PLEKHH2: variants seen among roughly 807,000 people sequenced by gnomAD.
PLEKHH2 encodes pleckstrin homology domain-containing family H member 2.
A neutral mutation model predicts 187.9 loss-of-function variants in PLEKHH2; 129 were observed. The ratio of observed to expected loss-of-function variants is 0.69; its 90% confidence interval spans 0.59 to 0.79. The LOEUF is 0.79. PLEKHH2 is among the 30% of genes least tolerant of loss of function. The probability of loss-of-function intolerance (pLI) is 0.00; values close to 1 mark genes in which losing one functional copy is unlikely to be tolerated. For missense variants in PLEKHH2, 2,076 were observed against 1,751.2 expected, an observed-to-expected ratio of 1.19 and a Z score of -3.31; for synonymous variants, 686 against 605.6, an observed-to-expected ratio of 1.13 and a Z score of -1.95.
intron 15 of PLEKHH2, among the ~76,000 whole-genome samples, chr2:43,720,381 C>T (rs1046843121): frequency 6.6e-6 from 1 of 151,766 alleles, no homozygotes; most frequent in African/African-American, 2.4e-5. Context: ...GAGTACAGAT[C>T]CCATCACCCA....
In PLEKHH2 at chr2:43,700,429, C is replaced by G. The variant is rs17031299; in HGVS notation, c.1471C>G (p.Leu491Val). 8.1e-6 allele frequency: 13 copies of G among 1,613,832 alleles called. No individual in the cohort carries two copies. The African/African-American group carries it at 1.5e-4, about 18-fold the overall frequency. The change falls in exon 8 of 30, where the codon CTA (leucine) becomes GTA (valine). Residue 491 changes from leucine to valine, a missense_variant. Leu to Val is a conservative substitution (Grantham distance 32). Transcript: ENST00000282406. ...PLRPQETDLDLVDGDSTEVLE... is the reference protein window; with the variant it reads ...PLRPQETDLDVVDGDSTEVLE... ...GAGACCTCAGGAAACTGATCTTGAT[C>G]TAGTTGATGGAGACAGTACAGAAGT...
At chr2:43,681,054 T>G in intron 3 of PLEKHH2, 1 of 1,289,752 alleles carries the variant, frequency 7.8e-7, no homozygotes, top group Non-Finnish European at 1.1e-6. Flanking sequence ...TCCTGTACCA[T>G]TATGATTCCA....
intron 7 of PLEKHH2, among the ~76,000 whole-genome samples, chr2:43,698,982 T>G (rs927586272): frequency 1.3e-5 from 2 of 152,244 alleles, no homozygotes; most frequent in African/African-American, 2.4e-5. Flanking sequence ...TATCTCAATG[T>G]ATCGAAGTTT....
At chr2:43,764,424 C>T in intron 29 of PLEKHH2, 59 bp downstream of exon 29, 1 of 1,520,628 alleles carries the variant, frequency 6.6e-7, no homozygotes, top group Non-Finnish European at 9.0e-7. Flanking sequence ...TAGTCTTAGC[C>T]AGAAGGCCAA....
chr2:43,702,511 G>A (rs1283001774), intron 8 of PLEKHH2, among the ~76,000 whole-genome samples: 2 of 118,858 alleles, frequency 1.7e-5, no homozygotes, highest in African/African-American at 6.8e-5. Context: ...GTTTTATTTG[G>A]CAACCCATTC....
chr2:43,643,108 C>G (rs76872364), intron 1 of PLEKHH2, among the ~76,000 whole-genome samples: 207 of 152,220 alleles, frequency 1.4e-3, no homozygotes, highest in African/African-American at 4.6e-3. Flanking sequence ...GATCGACAAA[C>G]TGCATTATCT....
At chr2:43,758,340 C>T (rs1672295848) in intron 26 of PLEKHH2, among the ~76,000 whole-genome samples, 1 of 152,150 alleles carries the variant, frequency 6.6e-6, no homozygotes, top group African/African-American at 2.4e-5. Context: ...GCAACCTCCA[C>T]CTCCCGGGTT....
chr2:43,740,742 A>C (rs764843823), intron 20 of PLEKHH2: 16 of 912,144 alleles, frequency 1.8e-5, no homozygotes, highest in Non-Finnish European at 2.3e-5. Context: ...AACCATACAC[A>C]CAACTAGATG....
At chr2:43,653,473 A>G (rs1419565932) in intron 2 of PLEKHH2, among the ~76,000 whole-genome samples, 1 of 152,244 alleles carries the variant, frequency 6.6e-6, no homozygotes, top group African/African-American at 2.4e-5. Flanking sequence ...TAGAATAAAG[A>G]TATTTTGAAG....
rs201634365 is a variant in PLEKHH2 at position 43,699,637 on chromosome 2, C to T, written c.689-10C>T. The stretch of plus-strand genomic sequence containing the variant: ...AAGGCAGCATGCTGATATGATGTAT[C>T]CTTTTCTAGAAATGGAAATTCCAGA... On this transcript the variant is annotated splice_polypyrimidine_tract_variant and intron_variant, in intron 7 of 29. Coordinates refer to ENST00000282406, the MANE Select transcript of PLEKHH2 (RefSeq NM_172069.4). The T allele has an allele frequency of 1.9e-6, 3 of 1,608,334 alleles. No homozygotes were observed. The highest frequency in any genetic ancestry group is 2.2e-5 in the South Asian group (2 of 90,344).
chr2:43,680,922 C>A (rs1208528151), intron 3 of PLEKHH2: 1 of 700,962 alleles, frequency 1.4e-6, no homozygotes, highest in South Asian at 1.9e-5. Context: ...AAATTTATGT[C>A]CAGGGCCACT....
intron 24 of PLEKHH2, among the ~76,000 whole-genome samples, chr2:43,747,666 C>A (rs76744729): frequency 0.015 from 2,311 of 152,248 alleles, 31 homozygotes; most frequent in Admixed American, 0.019. Context: ...TGTTAACTGA[C>A]CAGCTCACAT....
At chr2:43,704,599 C>A (rs1221600135) in intron 9 of PLEKHH2, among the ~76,000 whole-genome samples, 1 of 135,542 alleles carries the variant, frequency 7.4e-6, no homozygotes, top group Non-Finnish European at 1.5e-5. Context: ...GGAGGTGGAG[C>A]TTTCAGTGAG....
rs144190985 is a variant in PLEKHH2, at chr2:43,726,444, A to C, written c.2714A>C (p.His905Pro). The change falls in exon 17 of 30, where the codon CAT becomes CCT. Residue 905 changes from histidine (H) to proline (P), a missense_variant. Transcript: ENST00000282406. ...ACTTACCTCCTAATTGGATCCAAGC[A>C]TGAAAAGGTATTCAAAGACTTATTG... ...GPTYLLIGSK[H>P]EKDTWLYHLT... 4 of 1,600,642 alleles carry C rather than the reference A, an allele frequency of 2.5e-6. 1 individual carries two copies. Among genetic ancestry groups the C allele is most frequent in the South Asian group, 2.2e-5 (2 of 90,660 alleles).
intron 16 of PLEKHH2, among the ~76,000 whole-genome samples, chr2:43,722,848 G>A (rs1358619875): frequency 1.3e-5 from 2 of 152,076 alleles, no homozygotes; most frequent in Non-Finnish European, 2.9e-5. Flanking sequence ...GAAGAAACAA[G>A]TCAGAAGAAT....
At chr2:43,691,903 G>A (rs2104462794) in intron 3 of PLEKHH2, among the ~76,000 whole-genome samples, 1 of 152,210 alleles carries the variant, frequency 6.6e-6, no homozygotes, top group South Asian at 2.1e-4. Context: ...GAATAAGCCG[G>A]ACACTTGACA....
At chr2:43,752,964 C>T (rs1272978418) in intron 24 of PLEKHH2, among the ~76,000 whole-genome samples, 1 of 152,168 alleles carries the variant, frequency 6.6e-6, no homozygotes, top group Non-Finnish European at 1.5e-5. Flanking sequence ...TATTATCTTT[C>T]AGATTCCCAG....
At chr2:43,748,575 G>A (rs768859588) in intron 24 of PLEKHH2, among the ~76,000 whole-genome samples, 4 of 152,198 alleles carry the variant, frequency 2.6e-5, no homozygotes, top group South Asian at 2.1e-4. Context: ...AATTTCCGGG[G>A]GTGGAGCCCA....
chr2:43,729,654 T>C lies in PLEKHH2; in HGVS notation c.2739T>C (p.His913=). 1 of 1,602,396 alleles carries C rather than the reference T, an allele frequency of 6.2e-7. No individual in the cohort carries two copies. The part of the protein sequence containing the change: ...SKHEKDTWLY[H]LTVAAGSNNV... ...GTTTTAAGGACACTTGGCTTTATCA[T>C]CTGACTGTTGCAGCTGGAAGCAACA... The change falls in exon 18 of 30, where the codon CAT becomes CAC. Residue 913 remains histidine, a synonymous_variant. Transcript: ENST00000282406.
Sources: gnomAD v4.1 joint callset for allele counts (sites outside exome capture counted in the v4.1 genomes callset) on GRCh38, gnomAD v4.1.1 for gene constraint, MANE v1.5 for transcripts, NCBI Gene and HGNC (gene_info 2026-07-23, HGNC 2026-07-21) for gene names.